The following LGSN variants were observed in gnomAD, a reference collection of about 807,000 sequenced individuals.
LGSN encodes the protein lengsin, lens protein with glutamine synthetase domain.
In LGSN, 21 loss-of-function variants were observed where a neutral mutation model predicts 19.5. That is an observed-to-expected ratio of 1.07 (90% confidence interval 0.76 to 1.55). The LOEUF is 1.55. LGSN is among the 40% of genes most tolerant of loss of function. The pLI is 0.00. For synonymous variants in LGSN, 257 were observed against 215.6 expected (o/e 1.19, Z -1.68); for missense variants, 673 against 608.5 (o/e 1.11, Z -1.12).
chr6:63,303,972 C>T (rs978027654), intron 1 of LGSN, among the ~76,000 whole-genome samples: 14 of 152,196 alleles, frequency 9.2e-5, no homozygotes, highest in Admixed American at 8.5e-4. Flanking sequence ...GACTTCTCTT[C>T]CATCGTGAGA....
chr6:63,487,324 AT>A, the LGSN span, among the ~76,000 whole-genome samples: 1 of 152,160 alleles, frequency 6.6e-6, no homozygotes, highest in Non-Finnish European at 1.5e-5. Context: ...AGAAAGAGAT[AT>A]TATCTTTATC....
the LGSN span, among the ~76,000 whole-genome samples, chr6:63,437,915 G>A: frequency 6.6e-6 from 1 of 152,134 alleles, no homozygotes; most frequent in South Asian, 2.1e-4. Flanking sequence ...TGGTGACAGA[G>A]TGAGACTATC....
At chr6:63,423,398 T>C in the LGSN span, among the ~76,000 whole-genome samples, 1 of 151,448 alleles carries the variant, frequency 6.6e-6, no homozygotes, top group Admixed American at 6.6e-5. Flanking sequence ...CTCCCAGCAC[T>C]GCAGGAGGCA....
At chr6:63,284,320 A>C (rs926648206) in intron 3 of LGSN, among the ~76,000 whole-genome samples, 1 of 152,178 alleles carries the variant, frequency 6.6e-6, no homozygotes, top group African/African-American at 2.4e-5. Context: ...AAACTCAAGG[A>C]ATAAAAGTGT....
the LGSN span, among the ~76,000 whole-genome samples, chr6:63,350,638 G>A: frequency 6.6e-6 from 1 of 152,180 alleles, no homozygotes; most frequent in Non-Finnish European, 1.5e-5. Context: ...GATCACCTGA[G>A]GTCAGAAGTT....
the LGSN span, among the ~76,000 whole-genome samples, chr6:63,356,938 G>A: frequency 5.9e-5 from 9 of 151,426 alleles, no homozygotes; most frequent in Non-Finnish European, 1.2e-4. Context: ...CCATTAACTC[G>A]TCATTTAACA....
chr6:63,341,534 T>C, the LGSN span, among the ~76,000 whole-genome samples: 1 of 152,090 alleles, frequency 6.6e-6, no homozygotes, highest in Non-Finnish European at 1.5e-5. Flanking sequence ...GCTCTGGGGA[T>C]TATGCATTAT....
At chr6:63,569,086 T>C in the LGSN span, among the ~76,000 whole-genome samples, 1 of 152,220 alleles carries the variant, frequency 6.6e-6, no homozygotes, top group Non-Finnish European at 1.5e-5. Context: ...TCTGAGAAGA[T>C]TGAAAATCAA....
chr6:63,558,194 G>A, the LGSN span, among the ~76,000 whole-genome samples: 1 of 152,074 alleles, frequency 6.6e-6, no homozygotes, highest in Non-Finnish European at 1.5e-5. Context: ...AAAATGCAGG[G>A]TGGATTAAAT....
the LGSN span, among the ~76,000 whole-genome samples, chr6:63,536,149 A>G: frequency 2.0e-5 from 3 of 152,052 alleles, no homozygotes; most frequent in Non-Finnish European, 2.9e-5. Context: ...CTGGCCAACA[A>G]GATGAAACCA....
the LGSN span, among the ~76,000 whole-genome samples, chr6:63,523,015 C>T: frequency 7.9e-5 from 12 of 152,028 alleles, no homozygotes; most frequent in Non-Finnish European, 1.6e-4. Context: ...CAGGCATGTG[C>T]CACCACGCTG....
the LGSN span, among the ~76,000 whole-genome samples, chr6:63,451,096 GA>G: frequency 6.6e-6 from 1 of 151,960 alleles, no homozygotes; most frequent in Non-Finnish European, 1.5e-5. Flanking sequence ...ACAGCTAAAT[GA>G]AAAAAAGACA....
chr6:63,478,472 C>T, the LGSN span, among the ~76,000 whole-genome samples: 1 of 131,672 alleles, frequency 7.6e-6, no homozygotes, highest in Non-Finnish European at 1.7e-5. Context: ...CTCCTGTGGG[C>T]CCTAGGACGT....
chr6:63,444,108 C>T, the LGSN span, among the ~76,000 whole-genome samples: 1 of 152,076 alleles, frequency 6.6e-6, no homozygotes, highest in Non-Finnish European at 1.5e-5. Context: ...TGTTTCATTA[C>T]TGGATGATGA....
the LGSN span, among the ~76,000 whole-genome samples, chr6:63,492,738 C>T: frequency 6.6e-6 from 1 of 152,158 alleles, no homozygotes; most frequent in African/African-American, 2.4e-5. Flanking sequence ...TCAATGGTTG[C>T]CCAGTAAATA....
the LGSN span, among the ~76,000 whole-genome samples, chr6:63,487,042 G>T: frequency 2.6e-5 from 4 of 151,786 alleles, no homozygotes; most frequent in East Asian, 5.8e-4. Context: ...CACCATGTTG[G>T]CCAGCTGGTC....
At chr6:63,572,501 C>T in the LGSN span, 13 of 390,480 alleles carry the variant, frequency 3.3e-5, no homozygotes, top group African/African-American at 1.7e-4. Flanking sequence ...TGTATTGGCT[C>T]CTTCGGCTGC....
At chr6:63,471,657 A>G in the LGSN span, among the ~76,000 whole-genome samples, 3 of 143,400 alleles carry the variant, frequency 2.1e-5, no homozygotes, top group Non-Finnish European at 4.5e-5. Flanking sequence ...CAAGAATAAG[A>G]CTCTGTCAAA....
Position 63,285,600 on chromosome 6 carries a change from G to A in LGSN, c.317C>T (p.Ala106Val), listed in dbSNP as rs374309964. ...TGTAAAACTCACTTGAAAAAAGTGT[G>A]CAGGGATAGTCTTAGACCTGGACAC... The part of the protein sequence containing the change: ...HGVSRSKTIP[A>V]HFFQEKVSHG... The change falls in exon 3 of 4, where the codon GCA (alanine) becomes GTA (valine). Residue 106 changes from alanine to valine, a missense_variant. Ala to Val is a moderately conservative substitution (Grantham distance 64). Coordinates refer to ENST00000370657, the MANE Select transcript of LGSN (RefSeq NM_016571.3). The A allele has an allele frequency of 6.2e-7, 1 of 1,613,558 alleles. No homozygotes were observed. The highest frequency in any genetic ancestry group is 8.5e-7 in the Non-Finnish European group (1 of 1,179,618).
Sources: gnomAD v4.1 joint callset for allele counts (sites outside exome capture counted in the v4.1 genomes callset) on GRCh38, gnomAD v4.1.1 for gene constraint, MANE v1.5 for transcripts, NCBI Gene and HGNC (gene_info 2026-07-23, HGNC 2026-07-21) for gene names.